MINDY3: variants seen among roughly 807,000 people sequenced by gnomAD.
MINDY3 encodes ubiquitin carboxyl-terminal hydrolase MINDY-3.
MINDY3 carries 38 observed loss-of-function variants against 69.2 expected under a neutral mutation model. The observed-to-expected ratio is 0.55, with a 90% CI of 0.42 to 0.72. The LOEUF (loss-of-function observed/expected upper bound fraction) is 0.72, where lower values mean the gene tolerates loss of function less well. Ranked by LOEUF, MINDY3 falls within the 30% of genes least tolerant of loss-of-function variation. MINDY3 has a pLI of 0.00. For synonymous variants in MINDY3, 192 were observed against 180.1 expected (o/e 1.07, Z -0.53); for missense variants, 522 against 519.0 (o/e 1.01, Z -0.06).
chr10:15,838,494 T>C (rs761845131), intron 4 of MINDY3, among the ~76,000 whole-genome samples: 2 of 151,738 alleles, frequency 1.3e-5, no homozygotes, highest in Non-Finnish European at 3.0e-5. Context: ...ACTGAGAATA[T>C]AGAAGGGTGA....
intron 10 of MINDY3, among the ~76,000 whole-genome samples, chr10:15,801,820 T>C (rs764760486): frequency 6.6e-6 from 1 of 151,946 alleles, no homozygotes; most frequent in African/African-American, 2.4e-5. Context: ...CATGAGTTCA[T>C]AGGATTTACA....
chr10:15,802,525 C>A (rs769340046), intron 10 of MINDY3, among the ~76,000 whole-genome samples: 1 of 152,052 alleles, frequency 6.6e-6, no homozygotes, highest in Non-Finnish European at 1.5e-5. Context: ...ATGACTCAAT[C>A]GCCTCCCACC....
At chr10:15,854,278 A>G (rs758059387) in intron 1 of MINDY3, among the ~76,000 whole-genome samples, 2 of 152,132 alleles carry the variant, frequency 1.3e-5, no homozygotes, top group East Asian at 1.9e-4. Context: ...GGCTACTACC[A>G]TACTTCTCAT....
intron 10 of MINDY3, among the ~76,000 whole-genome samples, chr10:15,796,971 G>A (rs900762934): frequency 6.6e-6 from 1 of 151,984 alleles, no homozygotes. Flanking sequence ...TGCCTATAAT[G>A]GTGTTTACTC....
intron 9 of MINDY3, among the ~76,000 whole-genome samples, chr10:15,818,749 T>C (rs1197498488): frequency 6.6e-6 from 1 of 152,182 alleles, no homozygotes; most frequent in Non-Finnish European, 1.5e-5. Context: ...GGCTATATAC[T>C]ACATGATTCC....
intron 10 of MINDY3, among the ~76,000 whole-genome samples, chr10:15,812,579 A>G (rs1839079905): frequency 6.6e-6 from 1 of 152,194 alleles, no homozygotes; most frequent in Non-Finnish European, 1.5e-5. Flanking sequence ...TTTAAAAACT[A>G]AGCAGTTTCT....
intron 10 of MINDY3, among the ~76,000 whole-genome samples, chr10:15,815,428 T>G (rs1564487442): frequency 6.6e-6 from 1 of 152,192 alleles, no homozygotes; most frequent in Non-Finnish European, 1.5e-5. Flanking sequence ...TTCACGAAAC[T>G]TAGCATTGTC....
chr10:15,809,576 T>C lies in MINDY3; in HGVS notation c.882+7259A>G, dbSNP rs145474329. On this transcript the variant is annotated intron_variant, in intron 10 of 14. Coordinates refer to ENST00000277632, the MANE Select transcript of MINDY3 (RefSeq NM_024948.4). ...TTGGAAAGTTCTCCATCGTACTTAA[T>C]AGGAATTAAGTTTCCCTCTTTGAAG... 9.7e-4 allele frequency among the ~76,000 whole-genome samples: 147 copies of C among 152,222 alleles called. 1 individual carries two copies. Among genetic ancestry groups the C allele is most frequent in the African/African-American group, 3.5e-3 (144 of 41,544 alleles).
At chr10:15,794,936 G>C (rs1424045047) in intron 11 of MINDY3, among the ~76,000 whole-genome samples, 2 of 151,840 alleles carry the variant, frequency 1.3e-5, no homozygotes, top group Non-Finnish European at 2.9e-5. Context: ...TTCTTTAATA[G>C]TTATTATCTC....
At chr10:15,796,257 T>C (rs1159520343) in intron 10 of MINDY3, 85 bp from the exon 11 acceptor site, 1 of 1,044,428 alleles carries the variant, frequency 9.6e-7, no homozygotes, top group Non-Finnish European at 1.5e-6. Flanking sequence ...GCAGACATAA[T>C]GACATTGGAG....
chr10:15,787,803 G>A (rs1244370186), intron 12 of MINDY3, among the ~76,000 whole-genome samples: 1 of 152,078 alleles, frequency 6.6e-6, no homozygotes, highest in African/African-American at 2.4e-5. Context: ...GTCTGAGTAA[G>A]GCCGGGAAGT....
chr10:15,808,350 G>C (rs1163949428), intron 10 of MINDY3, among the ~76,000 whole-genome samples: 2 of 152,126 alleles, frequency 1.3e-5, no homozygotes, highest in Admixed American at 6.6e-5. Context: ...AACACAAAAT[G>C]CCAACTGTGA....
At chr10:15,848,339 C>G (rs6602059) in intron 1 of MINDY3, among the ~76,000 whole-genome samples, 20,996 of 152,000 alleles carry the variant, frequency 0.14, 3,454 homozygotes, top group African/African-American at 0.4. Flanking sequence ...ATAAGCTAAT[C>G]ATTACATGGC....
intron 14 of MINDY3, among the ~76,000 whole-genome samples, chr10:15,780,263 A>C (rs1030270246): frequency 6.6e-6 from 1 of 152,200 alleles, no homozygotes; most frequent in Non-Finnish European, 1.5e-5. Flanking sequence ...GAATCTACTC[A>C]TTCCTAAGAA....
chr10:15,823,033 A>T (rs886486321), intron 8 of MINDY3, among the ~76,000 whole-genome samples: 1 of 152,044 alleles, frequency 6.6e-6, no homozygotes, highest in African/African-American at 2.4e-5. Context: ...TTCCATTAGG[A>T]TATATTTTCT....
At chr10:15,834,273 T>TA (rs201539365) in intron 7 of MINDY3, among the ~76,000 whole-genome samples, 2,619 of 152,136 alleles carry the variant, frequency 0.017, 58 homozygotes, top group African/African-American at 0.057. Context: ...TTTTCTCATT[T>TA]AAAAAAATTA....
In MINDY3 at chr10:15,783,689, C is replaced by T. The variant is rs550537235; in HGVS notation, c.1117-1463G>A. The stretch of plus-strand genomic sequence containing the variant: ...AGACTGTTTAATTTTTCATGTCTTA[C>T]ATTCCCAACTAAAGCCTAAAATTGT... On this transcript the variant is annotated intron_variant, in intron 13 of 14. Coordinates refer to ENST00000277632, the MANE Select transcript of MINDY3 (RefSeq NM_024948.4). Among the ~76,000 whole-genome samples, 7 of 152,258 alleles carry T rather than the reference C, an allele frequency of 4.6e-5. No individual in the cohort carries two copies. In the South Asian group the frequency reaches 1.5e-3, roughly 32 times the overall value.
In MINDY3 at chr10:15,816,928, T is replaced by A; in HGVS notation, c.802-13A>T. The stretch of plus-strand genomic sequence containing the variant: ...AGTAAGAACCAACCTAGAACAAATG[T>A]AGCAAAATAAAACAAATAAACAAAT... On this transcript the variant is annotated splice_polypyrimidine_tract_variant and intron_variant, in intron 9 of 14. Coordinates refer to ENST00000277632, the MANE Select transcript of MINDY3 (RefSeq NM_024948.4). The A allele has an allele frequency of 6.3e-7, 1 of 1,592,822 alleles. No individual in the cohort carries two copies. The highest frequency in any genetic ancestry group is 8.6e-7 in the Non-Finnish European group (1 of 1,163,926).
chr10:15,834,612 A>G lies in MINDY3; in HGVS notation c.581T>C (p.Ile194Thr). 1.9e-5 allele frequency: 30 copies of G among 1,606,756 alleles called. No homozygotes were observed. The highest frequency in any genetic ancestry group is 2.5e-5 in the Non-Finnish European group (29 of 1,174,272). Reference sequence around the variant, plus strand: ...TTCAATTTCGTTTTTTATGTTTTCAATGCCCTAAAGAAACAGAATTCATTG... The same window carrying G: ...TTCAATTTCGTTTTTTATGTTTTCAGTGCCCTAAAGAAACAGAATTCATTG... Reference protein sequence around the residue: ...FLYSVLLTKGIENIKNEIEDA... With the variant: ...FLYSVLLTKGTENIKNEIEDA... The change falls in exon 7 of 15, where the codon ATT becomes ACT. Residue 194 changes from isoleucine (I) to threonine (T), a missense_variant. Physicochemically the swap from Ile to Thr is moderately conservative, Grantham distance 89. Coordinates refer to ENST00000277632, the MANE Select transcript of MINDY3 (RefSeq NM_024948.4).
Sources: allele counts gnomAD v4.1 joint callset (sites outside exome capture counted in the v4.1 genomes callset), GRCh38; gene constraint gnomAD v4.1.1; transcripts MANE v1.5; gene names NCBI Gene and HGNC (gene_info 2026-07-23, HGNC 2026-07-21).